LOC400499: variants seen among roughly 807,000 people sequenced by gnomAD.
the LOC400499 span, among the ~76,000 whole-genome samples, chr16:11,451,567 CAAACA>C: frequency 1.3e-5 from 2 of 151,810 alleles, no homozygotes; most frequent in South Asian, 2.1e-4. Flanking sequence ...AACAAACAAA[CAAACA>C]AACAAACAAA....
At chr16:11,375,211 G>T in the LOC400499 span, among the ~76,000 whole-genome samples, 4 of 142,934 alleles carry the variant, frequency 2.8e-5, no homozygotes, top group South Asian at 4.3e-4. Context: ...TATACTCCCC[G>T]TAAGAATACA....
the LOC400499 span, chr16:11,450,797 A>G: frequency 3.3e-6 from 5 of 1,534,880 alleles, no homozygotes; most frequent in South Asian, 1.2e-5. Flanking sequence ...ACCATCAGCC[A>G]TGGACTATCC....
chr16:11,515,352 A>G, the LOC400499 span, among the ~76,000 whole-genome samples: 1 of 151,882 alleles, frequency 6.6e-6, no homozygotes, highest in East Asian at 1.9e-4. Context: ...TACTCTCAAG[A>G]GGCTGAGACA....
chr16:11,428,838 C>T, the LOC400499 span, among the ~76,000 whole-genome samples: 4 of 151,734 alleles, frequency 2.6e-5, no homozygotes, highest in East Asian at 1.9e-4. Flanking sequence ...GAAAATAACA[C>T]AAAATGCGAA....
chr16:11,521,090 C>G, the LOC400499 span, among the ~76,000 whole-genome samples: 1 of 152,172 alleles, frequency 6.6e-6, no homozygotes, highest in African/African-American at 2.4e-5. Flanking sequence ...AATAAAGCAG[C>G]ATCTCTGACA....
chr16:11,510,700 G>A, the LOC400499 span, among the ~76,000 whole-genome samples: 1 of 151,502 alleles, frequency 6.6e-6, no homozygotes, highest in Admixed American at 6.6e-5. Context: ...CACACAACAG[G>A]TGCTCAGACA....
the LOC400499 span, among the ~76,000 whole-genome samples, chr16:11,447,168 G>C: frequency 5.3e-5 from 8 of 152,320 alleles, no homozygotes; most frequent in African/African-American, 1.9e-4. Context: ...AGACCCAAGA[G>C]GATAGATGAC....
chr16:11,445,905 C>G, the LOC400499 span, among the ~76,000 whole-genome samples: 3 of 150,812 alleles, frequency 2.0e-5, no homozygotes, highest in Admixed American at 2.0e-4. Context: ...GTGATCTCAG[C>G]TCACTGTAAC....
chr16:11,500,440 G>A, the LOC400499 span, among the ~76,000 whole-genome samples: 1 of 152,026 alleles, frequency 6.6e-6, no homozygotes, highest in African/African-American at 2.4e-5. Context: ...GAACCCAGGA[G>A]GTGGAGGTTG....
At chr16:11,426,019 C>G in the LOC400499 span, among the ~76,000 whole-genome samples, 4 of 152,206 alleles carry the variant, frequency 2.6e-5, no homozygotes, top group African/African-American at 9.6e-5. Context: ...CCCACTAAAG[C>G]AAGGTTGGTT....
chr16:11,410,465 A>T, the LOC400499 span, among the ~76,000 whole-genome samples: 2 of 152,228 alleles, frequency 1.3e-5, no homozygotes, highest in East Asian at 1.9e-4. Flanking sequence ...AAAAAAATTT[A>T]AAAATTAAAT....
At chr16:11,446,485 G>C in the LOC400499 span, 1 of 1,418,412 alleles carries the variant, frequency 7.1e-7, no homozygotes. Context: ...ATCCTATTGA[G>C]CGATGACAGC....
the LOC400499 span, among the ~76,000 whole-genome samples, chr16:11,520,376 G>T: frequency 2.0e-5 from 3 of 152,108 alleles, no homozygotes; most frequent in African/African-American, 7.2e-5. Context: ...AAAAAGGAAG[G>T]CTGGGCATAG....
At chr16:11,397,553 G>A in the LOC400499 span, among the ~76,000 whole-genome samples, 2,086 of 152,198 alleles carry the variant, frequency 0.014, 47 homozygotes, top group African/African-American at 0.047. Context: ...GATTACAGGC[G>A]TGAGCCACCG....
At chr16:11,458,600 A>G in the LOC400499 span, among the ~76,000 whole-genome samples, 2 of 152,046 alleles carry the variant, frequency 1.3e-5, no homozygotes, top group Admixed American at 6.6e-5. Flanking sequence ...GGTGCTTTCC[A>G]GGGACTGGGA....
At chr16:11,474,205 T>C in the LOC400499 span, among the ~76,000 whole-genome samples, 2 of 152,224 alleles carry the variant, frequency 1.3e-5, no homozygotes, top group African/African-American at 4.8e-5. Flanking sequence ...AGCTTGCAAC[T>C]ACTCAGCTCT....
chr16:11,437,053 G>A, the LOC400499 span, among the ~76,000 whole-genome samples: 1 of 152,312 alleles, frequency 6.6e-6, no homozygotes, highest in Non-Finnish European at 1.5e-5. Flanking sequence ...CTAACTGAAA[G>A]AAGCCCATCT....
the LOC400499 span, among the ~76,000 whole-genome samples, chr16:11,507,657 C>A: frequency 1.8e-3 from 280 of 152,344 alleles, 1 homozygote; most frequent in South Asian, 0.011. Flanking sequence ...CCTGGCAGGG[C>A]GCAGTGGCTC....
At chr16:11,440,910 C>T in the LOC400499 span, 2 of 398,986 alleles carry the variant, frequency 5.0e-6, no homozygotes, top group South Asian at 1.3e-4. Context: ...GGGCACAAAC[C>T]AGTGTCTGCC....
Sources: allele counts gnomAD v4.1 joint callset (sites outside exome capture counted in the v4.1 genomes callset), GRCh38; gene constraint gnomAD v4.1.1; transcripts MANE v1.5.